Variants in KANK1 observed in about 807,000 individuals in gnomAD.
KANK1 encodes the protein KN motif and ankyrin repeat domain-containing protein 1.
In KANK1, 109 loss-of-function variants were observed where a neutral mutation model predicts 106.2. The observed-to-expected ratio is 1.03, with a 90% CI of 0.88 to 1.20. KANK1 has a LOEUF of 1.20. Among genes scored for constraint, KANK1 ranks in the 50% most tolerant of loss-of-function variants. The pLI is 0.00. For missense variants in KANK1, 2,399 were observed against 1,710.7 expected, an observed-to-expected ratio of 1.40 and a Z score of -7.10; for synonymous variants, 873 against 652.2, an observed-to-expected ratio of 1.34 and a Z score of -5.16.
chr9:728,482 A>T (rs1371405871), intron 3 of KANK1, among the ~76,000 whole-genome samples: 1 of 152,226 alleles, frequency 6.6e-6, no homozygotes, highest in African/African-American at 2.4e-5. Flanking sequence ...AACAGGCATG[A>T]GCCACTGCTC....
At chr9:497,623 T>C (rs893172590) in intron 3 of KANK1, among the ~76,000 whole-genome samples, 3 of 152,130 alleles carry the variant, frequency 2.0e-5, no homozygotes, top group Non-Finnish European at 2.9e-5. Context: ...AAGGCTGAGG[T>C]GGGCAGATTG....
chr9:563,129 G>T (rs949504495), intron 1 of KANK1, among the ~76,000 whole-genome samples: 2 of 151,760 alleles, frequency 1.3e-5, no homozygotes, highest in Admixed American at 1.3e-4. Flanking sequence ...AACCAAGCCT[G>T]TGTTCTGTAG....
At chr9:678,029 TA>T (rs758688543) in intron 2 of KANK1, among the ~76,000 whole-genome samples, 1 of 152,186 alleles carries the variant, frequency 6.6e-6, no homozygotes, top group Non-Finnish European at 1.5e-5. Context: ...AAGTGACCTC[TA>T]AAGTGGGCAT....
intron 2 of KANK1, among the ~76,000 whole-genome samples, chr9:687,874 T>C (rs1396884827): frequency 1.3e-5 from 2 of 152,192 alleles, no homozygotes; most frequent in Admixed American, 6.5e-5. Context: ...TCTTATAAAC[T>C]TGAGTGTTTT....
chr9:663,991 C>G (rs753009095), intron 1 of KANK1, among the ~76,000 whole-genome samples: 5 of 152,034 alleles, frequency 3.3e-5, no homozygotes, highest in Non-Finnish European at 5.9e-5. Context: ...TCACCCAGAT[C>G]TCATCTTGAA....
At chr9:536,575 C>G (rs140500221) in intron 1 of KANK1, among the ~76,000 whole-genome samples, 1 of 152,182 alleles carries the variant, frequency 6.6e-6, no homozygotes, top group Non-Finnish European at 1.5e-5. Flanking sequence ...GTCCCTTTTA[C>G]GCCTGACATT....
At chr9:714,055 A>T (rs10481605) in intron 3 of KANK1, among the ~76,000 whole-genome samples, 64,119 of 149,866 alleles carry the variant, frequency 0.43, 14,049 homozygotes, top group Middle Eastern at 0.55. Flanking sequence ...CCTGGGCAAC[A>T]TAGTAAGACC....
intron 1 of KANK1, among the ~76,000 whole-genome samples, chr9:534,438 G>A (rs2060204465): frequency 6.6e-6 from 1 of 152,168 alleles, no homozygotes; most frequent in South Asian, 2.1e-4. Context: ...CTTTTCAGCA[G>A]GACCTAAGGA....
At chr9:513,780 C>G (rs185295086) in intron 1 of KANK1, among the ~76,000 whole-genome samples, 1 of 152,254 alleles carries the variant, frequency 6.6e-6, no homozygotes, top group African/African-American at 2.4e-5. Flanking sequence ...CTTTGGGAGG[C>G]CGAGGCAGGC....
Position 538,471 on chromosome 9 carries a change from A to G in KANK1, c.-84+33717A>G, listed in dbSNP as rs375176929. ...AGATTACTCCATGATTGACAAAACA[A>G]TTTTGAGGATCCTAAGAGGCACATT... On this transcript the variant is annotated intron_variant, in intron 1 of 11. Coordinates refer to ENST00000382297, the MANE Select transcript of KANK1 (RefSeq NM_015158.5). Among the ~76,000 whole-genome samples, 10 of 152,360 alleles carry G rather than the reference A, an allele frequency of 6.6e-5. No individual in the cohort carries two copies. In the East Asian group the frequency reaches 1.3e-3, roughly 21 times the overall value.
Position 726,637 on chromosome 9 carries a change from C to T in KANK1, c.2699-3414C>T, listed in dbSNP as rs138812756. On this transcript the variant is annotated intron_variant, in intron 3 of 11. Coordinates refer to ENST00000382297, the MANE Select transcript of KANK1 (RefSeq NM_015158.5). ...CTAGCAACAGAGTAAGACTCTGTCT[C>T]GAAAGAAGAAAACTTGAACGGAGAC... Among the ~76,000 whole-genome samples, 696 of 151,840 alleles carry T rather than the reference C, an allele frequency of 4.6e-3. 11 individuals are homozygous for T. Among genetic ancestry groups the T allele is most frequent in the African/African-American group, 0.016 (678 of 41,408 alleles).
intron 1 of KANK1, among the ~76,000 whole-genome samples, chr9:602,874 T>G (rs1828120709): frequency 6.6e-6 from 1 of 151,898 alleles, no homozygotes; most frequent in Non-Finnish European, 1.5e-5. Context: ...TTTTTCATAT[T>G]TTTGCTATTA....
intron 1 of KANK1, among the ~76,000 whole-genome samples, chr9:633,094 T>C (rs16924585): frequency 0.15 from 22,495 of 152,064 alleles, 1,832 homozygotes; most frequent in Admixed American, 0.17. Flanking sequence ...AATCGTGACT[T>C]TTTCTACACT....
chr9:672,264 C>T (rs7851186), intron 1 of KANK1, among the ~76,000 whole-genome samples: 1,984 of 152,240 alleles, frequency 0.013, 49 homozygotes, highest in African/African-American at 0.046. Context: ...AGGGGTAGTA[C>T]TTTGTAGGGT....
intron 2 of KANK1, among the ~76,000 whole-genome samples, chr9:708,161 CA>C (rs1824819669): frequency 2.4e-5 from 1 of 41,996 alleles, no homozygotes; most frequent in Non-Finnish European, 5.1e-5. Flanking sequence ...GAATTTCAGA[CA>C]GTCCTGGAGA....
chr9:691,095 T>G (rs1033980119), intron 2 of KANK1, among the ~76,000 whole-genome samples: 1 of 152,196 alleles, frequency 6.6e-6, no homozygotes, highest in Non-Finnish European at 1.5e-5. Context: ...TTTAATTGTT[T>G]CCCTTCCCAA....
intron 2 of KANK1, among the ~76,000 whole-genome samples, chr9:682,748 T>C: frequency 6.6e-6 from 1 of 152,320 alleles, no homozygotes; most frequent in East Asian, 1.9e-4. Flanking sequence ...TTAGTAACTG[T>C]TGTGGGGCTT....
rs115219176 is a variant in KANK1 at position 602,785 on chromosome 9, A to G, written c.-83-74105A>G. Among the ~76,000 whole-genome samples the G allele has an allele frequency of 7.4e-3, 1,122 of 151,970 alleles. 47 individuals carry two copies. The highest frequency in any genetic ancestry group is 0.025 in the African/African-American group (1,028 of 41,234). Reference sequence around the variant, plus strand: ...AGCCTGTTCTCCTTGATGATTCAGTATAACTTCTTTTGACTGCGCTTTTAG... The same window carrying G: ...AGCCTGTTCTCCTTGATGATTCAGTGTAACTTCTTTTGACTGCGCTTTTAG... On this transcript the variant is annotated intron_variant, in intron 1 of 11. Coordinates refer to ENST00000382297, the MANE Select transcript of KANK1 (RefSeq NM_015158.5).
At chr9:628,530 T>C (rs28513073) in intron 1 of KANK1, among the ~76,000 whole-genome samples, 23,680 of 152,122 alleles carry the variant, frequency 0.16, 1,999 homozygotes, top group Admixed American at 0.18. Context: ...TGCTCGTCAC[T>C]TGAGGTGCTG....
Sources: gnomAD v4.1 joint callset for allele counts (sites outside exome capture counted in the v4.1 genomes callset) on GRCh38, gnomAD v4.1.1 for gene constraint, MANE v1.5 for transcripts, NCBI Gene and HGNC (gene_info 2026-07-23, HGNC 2026-07-21) for gene names.